TMTC2: variants seen among roughly 807,000 people sequenced by gnomAD.
The protein encoded by TMTC2 is transmembrane O-mannosyltransferase targeting cadherins 2.
In TMTC2, 43 loss-of-function variants were observed where a neutral mutation model predicts 82.4. That is an observed-to-expected ratio of 0.52 (90% CI 0.41 to 0.67). The LOEUF is 0.67. TMTC2 is among the 30% of genes least tolerant of loss of function. The pLI is 0.00. For missense variants in TMTC2, 919 were observed against 1,012.4 expected (o/e 0.91, Z 1.25); for synonymous variants, 408 against 381.9 (o/e 1.07, Z -0.80).
At position 82,687,129 on chromosome 12, in the gene TMTC2, C is replaced by G. The variant is rs1872342751; in HGVS notation, c.-458C>G. 6.0e-6 allele frequency: 1 copy of G among 166,858 alleles called. No individual in the cohort carries two copies. Among genetic ancestry groups the G allele is most frequent in the African/African-American group, 2.4e-5 (1 of 41,748 alleles). The allele number at this position is 166,858 out of a possible 1,614,324, so 10.3% of individuals were successfully genotyped here. A position where few individuals can be genotyped will look rare whatever the true frequency, so the allele number is the denominator to read the frequency against. ...CGCCTTGTCCCTCCCACCCGCGCCT[C>G]TTTCTCTCTCTTCCTCCAGCTGGTC... On this transcript the variant is annotated 5_prime_UTR_variant, in exon 1 of 12. Transcript: ENST00000321196.
chr12:83,097,545 C>T (rs11115580), intron 11 of TMTC2, among the ~76,000 whole-genome samples: 20,929 of 152,146 alleles, frequency 0.14, 1,613 homozygotes, highest in East Asian at 0.26. Flanking sequence ...ACTGTCAACA[C>T]TGCCCTAGGT....
intron 2 of TMTC2, among the ~76,000 whole-genome samples, chr12:82,876,620 T>C (rs772184543): frequency 1.1e-4 from 17 of 152,240 alleles, no homozygotes; most frequent in Non-Finnish European, 1.8e-4. Flanking sequence ...AAATCCTAAA[T>C]ATTCCATAAA....
chr12:83,102,734 T>G (rs1884261364), intron 11 of TMTC2, among the ~76,000 whole-genome samples: 1 of 152,178 alleles, frequency 6.6e-6, no homozygotes, highest in South Asian at 2.1e-4. Context: ...TGTCACTTCC[T>G]CTCTTCTCTT....
At chr12:83,069,313 G>T (rs929260728) in intron 11 of TMTC2, among the ~76,000 whole-genome samples, 1 of 152,120 alleles carries the variant, frequency 6.6e-6, no homozygotes, top group Admixed American at 6.5e-5. Context: ...ATTCCCACCA[G>T]CAGTGTAGAA....
At chr12:83,079,604 C>A (rs918321808) in intron 11 of TMTC2, among the ~76,000 whole-genome samples, 2 of 152,106 alleles carry the variant, frequency 1.3e-5, no homozygotes. Context: ...ATTAGACAGA[C>A]CAGCAATAAC....
chr12:82,916,501 C>T lies in TMTC2; in HGVS notation c.1484-13930C>T, dbSNP rs189458535. 9.9e-4 allele frequency among the ~76,000 whole-genome samples: 150 copies of T among 152,170 alleles called. 1 individual carries two copies. The highest frequency in any genetic ancestry group is 3.5e-3 in the African/African-American group (147 of 41,524). On this transcript the variant is annotated intron_variant, in intron 3 of 11. Transcript: ENST00000321196. ...TGCATGCAAACCCCAAAATAAAAAT[C>T]GAACACTATGAGTGGTACTGGCAGC...
intron 1 of TMTC2, among the ~76,000 whole-genome samples, chr12:82,795,123 G>C (rs1310977765): frequency 6.6e-6 from 1 of 151,812 alleles, no homozygotes; most frequent in Non-Finnish European, 1.5e-5. Flanking sequence ...TGGCCAACAT[G>C]GTGAAACCCC....
intron 8 of TMTC2, among the ~76,000 whole-genome samples, chr12:83,027,580 A>G (rs1181594408): frequency 1.3e-5 from 2 of 152,294 alleles, no homozygotes; most frequent in East Asian, 3.9e-4. Flanking sequence ...GAACCGACTG[A>G]CCACATTAAG....
At chr12:82,876,559 G>A (rs1872592397) in intron 2 of TMTC2, among the ~76,000 whole-genome samples, 1 of 152,160 alleles carries the variant, frequency 6.6e-6, no homozygotes, top group Non-Finnish European at 1.5e-5. Flanking sequence ...AAAGCTCAAT[G>A]TGAATTTGAC....
intron 8 of TMTC2, among the ~76,000 whole-genome samples, chr12:83,020,701 G>A (rs1397739168): frequency 2.0e-5 from 3 of 152,156 alleles, no homozygotes; most frequent in Non-Finnish European, 4.4e-5. Context: ...CTCAGGTGGA[G>A]TTTAAGATGT....
intron 8 of TMTC2, among the ~76,000 whole-genome samples, chr12:82,999,474 G>A (rs902559126): frequency 4.6e-5 from 7 of 152,152 alleles, no homozygotes; most frequent in Non-Finnish European, 7.4e-5. Flanking sequence ...CCGTTTTCAC[G>A]CTGCTGATAA....
intron 7 of TMTC2, among the ~76,000 whole-genome samples, chr12:82,985,299 G>A (rs913913982): frequency 1.3e-5 from 2 of 152,046 alleles, no homozygotes; most frequent in Non-Finnish European, 2.9e-5. Flanking sequence ...CTATCCGCCT[G>A]CCTTGGCCTC....
intron 7 of TMTC2, among the ~76,000 whole-genome samples, chr12:82,974,066 G>T (rs951991702): frequency 2.6e-5 from 4 of 151,998 alleles, no homozygotes; most frequent in Non-Finnish European, 5.9e-5. Flanking sequence ...AATGTGTTCT[G>T]TTCAAAAAAA....
intron 1 of TMTC2, among the ~76,000 whole-genome samples, chr12:82,853,832 T>G (rs2137110620): frequency 6.6e-6 from 1 of 152,312 alleles, no homozygotes; most frequent in Non-Finnish European, 1.5e-5. Flanking sequence ...ATATTAGAGA[T>G]ATTTACATCA....
At chr12:83,041,747 A>T (rs1467949969) in intron 9 of TMTC2, among the ~76,000 whole-genome samples, 1 of 151,666 alleles carries the variant, frequency 6.6e-6, no homozygotes, top group Non-Finnish European at 1.5e-5. Context: ...CAGTCTAAAC[A>T]GTTCTTTAAG....
chr12:83,018,751 G>C (rs1245635440), intron 8 of TMTC2, among the ~76,000 whole-genome samples: 1 of 150,868 alleles, frequency 6.6e-6, no homozygotes, highest in Non-Finnish European at 1.5e-5. Flanking sequence ...TCAAGATTTA[G>C]TCAGATTTAC....
chr12:82,833,217 G>A (rs1869843568), intron 1 of TMTC2, among the ~76,000 whole-genome samples: 1 of 151,896 alleles, frequency 6.6e-6, no homozygotes, highest in Admixed American at 6.6e-5. Flanking sequence ...AAAATATTTT[G>A]TTTTACCGTA....
intron 1 of TMTC2, among the ~76,000 whole-genome samples, chr12:82,785,928 T>G (rs1471936219): frequency 1.3e-5 from 2 of 152,136 alleles, no homozygotes; most frequent in Non-Finnish European, 2.9e-5. Flanking sequence ...TATGTTGAAA[T>G]TCTAAGTGTG....
At chr12:83,095,959 T>C (rs78867012) in intron 11 of TMTC2, among the ~76,000 whole-genome samples, 4,794 of 152,286 alleles carry the variant, frequency 0.031, 249 homozygotes, top group African/African-American at 0.11. Context: ...CTTACTATTA[T>C]AAAAATTTCA....
Sources: allele counts gnomAD v4.1 joint callset (sites outside exome capture counted in the v4.1 genomes callset), GRCh38; gene constraint gnomAD v4.1.1; transcripts MANE v1.5; gene names NCBI Gene and HGNC (gene_info 2026-07-23, HGNC 2026-07-21).